The following ADGRV1 variants were observed in gnomAD, a reference collection of about 807,000 sequenced individuals.
ADGRV1 encodes the protein adhesion G protein-coupled receptor V1, also known as G-protein coupled receptor 98.
Under a neutral mutation model 596.2 loss-of-function variants are expected in ADGRV1, and 359 were observed. The ratio of observed to expected loss-of-function variants is 0.60; its 90% CI spans 0.55 to 0.66. ADGRV1 has a LOEUF of 0.66. ADGRV1 is among the 30% of genes least tolerant of loss of function. ADGRV1 has a pLI of 0.00. For missense variants in ADGRV1, 7,274 were observed against 7,575.6 expected (o/e 0.96, Z 1.48); for synonymous variants, 2,681 against 2,679.2 (o/e 1.00, Z -0.02).
At chr5:90,593,393 T>C (rs991309809) in intron 1 of ADGRV1, among the ~76,000 whole-genome samples, 1 of 151,084 alleles carries the variant, frequency 6.6e-6, no homozygotes, top group African/African-American at 2.4e-5. Context: ...TAGGTGGGAA[T>C]CGAACAATGA....
rs375085032 is a variant in ADGRV1 at position 90,629,501 on chromosome 5, G to T, written c.1801G>T (p.Asp601Tyr). ...CACTACAAAATTACCAATAAGAAAT[G>T]ATGCATTCCTTCAAAATGGAGCTCA... ...QVTTKLPIRNDAFLQNGAHFL... is the reference protein window; with the variant it reads ...QVTTKLPIRNYAFLQNGAHFL... The change falls in exon 9 of 90, where the codon GAT (aspartate) becomes TAT (tyrosine). Residue 601 changes from aspartate (D) to tyrosine (Y), a missense_variant. By Grantham distance (160) the Asp-to-Tyr change is radical. This residue lies in a region of ADGRV1 where 1,715 missense variants were observed against 1,708.8 expected (regional missense o/e 1.00). Coordinates refer to ENST00000405460, the MANE Select transcript of ADGRV1 (RefSeq NM_032119.4). 4.3e-6 allele frequency: 7 copies of T among 1,612,498 alleles called. No homozygotes were observed. The African/African-American group carries it at 8.0e-5, about 18-fold the overall frequency.
chr5:90,668,381 CG>C (rs1771874031), intron 21 of ADGRV1, among the ~76,000 whole-genome samples: 1 of 130,278 alleles, frequency 7.7e-6, no homozygotes, highest in Non-Finnish European at 1.7e-5. Context: ...TTCCAGGTGC[CG>C]TCCGTCACCC....
At chr5:90,749,814 T>C (rs1046714230) in intron 52 of ADGRV1, among the ~76,000 whole-genome samples, 3 of 152,064 alleles carry the variant, frequency 2.0e-5, no homozygotes, top group South Asian at 4.1e-4. Context: ...CAGAAACAGA[T>C]AATTAGTTTG....
Position 91,063,575 on chromosome 5 carries a change from G to A in ADGRV1, c.18153-8872G>A, listed in dbSNP as rs1787635535. Among the ~76,000 whole-genome samples the A allele has an allele frequency of 2.0e-5, 3 of 152,146 alleles. No homozygotes were observed. In the South Asian group the frequency reaches 6.2e-4, roughly 32 times the overall value. On this transcript the variant is annotated intron_variant, in intron 85 of 89. Coordinates refer to ENST00000405460, the MANE Select transcript of ADGRV1 (RefSeq NM_032119.4). ...ACAGTTGGCGGAAGATTCATTTGAT[G>A]AATCAGATTTTTCCAAAATAGAAGA...
intron 83 of ADGRV1, among the ~76,000 whole-genome samples, chr5:90,948,556 A>G (rs1250080890): frequency 1.3e-5 from 2 of 152,122 alleles, no homozygotes; most frequent in Non-Finnish European, 2.9e-5. Context: ...GTAAATACCC[A>G]AGAGAAATGT....
At chr5:90,656,337 C>T (rs1455453909) in intron 20 of ADGRV1, among the ~76,000 whole-genome samples, 1 of 152,126 alleles carries the variant, frequency 6.6e-6, no homozygotes, top group East Asian at 1.9e-4. Flanking sequence ...AGGCAAGTAA[C>T]AGAGGAACCA....
chr5:90,584,631 C>T (rs1398151350), intron 1 of ADGRV1, among the ~76,000 whole-genome samples: 1 of 152,158 alleles, frequency 6.6e-6, no homozygotes, highest in Non-Finnish European at 1.5e-5. Flanking sequence ...GCTGTTAGTT[C>T]TCCATGTGAG....
At chr5:90,746,260 G>C (rs1278923748) in intron 52 of ADGRV1, among the ~76,000 whole-genome samples, 3 of 150,668 alleles carry the variant, frequency 2.0e-5, no homozygotes, top group Non-Finnish European at 4.4e-5. Context: ...GTGGAGGAGA[G>C]AGAGAGGGTT....
intron 83 of ADGRV1, among the ~76,000 whole-genome samples, chr5:90,953,008 C>T (rs1427632860): frequency 2.6e-5 from 4 of 152,126 alleles, no homozygotes. Context: ...CAATTTTACT[C>T]ACCAGTGAGG....
At chr5:90,702,295 G>C (rs1748008092) in intron 34 of ADGRV1, among the ~76,000 whole-genome samples, 1 of 151,782 alleles carries the variant, frequency 6.6e-6, no homozygotes, top group Admixed American at 6.6e-5. Flanking sequence ...TGGACAATCT[G>C]ATCTAGAAAT....
chr5:90,836,488 T>C (rs1405280713), intron 77 of ADGRV1, among the ~76,000 whole-genome samples: 1 of 151,988 alleles, frequency 6.6e-6, no homozygotes, highest in Non-Finnish European at 1.5e-5. Context: ...GATTATGTAC[T>C]GTATGATTCC....
chr5:90,701,240 T>C lies in ADGRV1; in HGVS notation c.8156-2425T>C, dbSNP rs185340584. Among the ~76,000 whole-genome samples the C allele has an allele frequency of 2.2e-3, 342 of 152,218 alleles. 1 individual carries two copies. Among genetic ancestry groups the C allele is most frequent in the African/African-American group, 7.2e-3 (300 of 41,572 alleles). ...TCTTTGTCATCTAAAAATAACATAC[T>C]CTCTCTTAAGACTTTTCTTCTGTCT... On this transcript the variant is annotated intron_variant, in intron 34 of 89. Coordinates refer to ENST00000405460, the MANE Select transcript of ADGRV1 (RefSeq NM_032119.4).
intron 85 of ADGRV1, among the ~76,000 whole-genome samples, chr5:91,031,661 A>G (rs950476595): frequency 6.6e-6 from 1 of 152,118 alleles, no homozygotes; most frequent in African/African-American, 2.4e-5. Flanking sequence ...GAGTCATATT[A>G]TTTTCTGATA....
chr5:90,906,452 G>A (rs927209017), intron 83 of ADGRV1, among the ~76,000 whole-genome samples: 1 of 152,080 alleles, frequency 6.6e-6, no homozygotes, highest in East Asian at 1.9e-4. Flanking sequence ...GTTCAGTCTT[G>A]GTAGGTTGTA....
intron 83 of ADGRV1, among the ~76,000 whole-genome samples, chr5:90,940,852 C>T (rs1375685221): frequency 3.3e-5 from 5 of 152,150 alleles, no homozygotes. Flanking sequence ...CTCAGGTTCA[C>T]TGTAAAGGCC....
At chr5:90,986,135 A>C (rs1780485803) in intron 85 of ADGRV1, among the ~76,000 whole-genome samples, 1 of 148,768 alleles carries the variant, frequency 6.7e-6, no homozygotes, top group South Asian at 2.1e-4. Context: ...TATGTGACTT[A>C]ATCCTAAATC....
At chr5:90,846,212 G>A (rs527472744) in intron 78 of ADGRV1, among the ~76,000 whole-genome samples, 20 of 151,374 alleles carry the variant, frequency 1.3e-4, no homozygotes, top group South Asian at 8.3e-4. Flanking sequence ...GGTAGATGGG[G>A]CATAGTGTAA....
intron 85 of ADGRV1, among the ~76,000 whole-genome samples, chr5:91,026,115 C>G (rs942212413): frequency 1.3e-5 from 2 of 152,146 alleles, no homozygotes; most frequent in Non-Finnish European, 2.9e-5. Context: ...CCACAGCCAG[C>G]AATACACAGC....
chr5:91,152,184 A>T (rs568032725), intron 88 of ADGRV1, among the ~76,000 whole-genome samples: 15 of 152,226 alleles, frequency 9.9e-5, no homozygotes, highest in Non-Finnish European at 2.1e-4. Flanking sequence ...GCCGTCAGAG[A>T]CATTCTAAAA....
Sources: gnomAD v4.1 joint callset for allele counts (sites outside exome capture counted in the v4.1 genomes callset) on GRCh38, gnomAD v4.1.1 for gene constraint, gnomAD v4.1.1 regional missense constraint, MANE v1.5 for transcripts, NCBI Gene and HGNC (gene_info 2026-07-23, HGNC 2026-07-21) for gene names.